Variants in CDH4 observed in about 807,000 individuals in gnomAD.
CDH4 encodes cadherin-4.
CDH4 carries 33 observed loss-of-function variants against 86.0 expected under a neutral mutation model. That is an observed-to-expected ratio of 0.38 (90% CI 0.29 to 0.51). The LOEUF is 0.51. Among genes scored for constraint, CDH4 ranks in the 20% least tolerant of loss-of-function variants. The pLI is 0.86. For missense variants in CDH4, 1,114 were observed against 1,307.4 expected, an observed-to-expected ratio of 0.85 and a Z score of 2.28; for synonymous variants, 555 against 549.4, an observed-to-expected ratio of 1.01 and a Z score of -0.14.
At chr20:61,598,230 C>T (rs2145740532) in intron 2 of CDH4, among the ~76,000 whole-genome samples, 1 of 152,198 alleles carries the variant, frequency 6.6e-6, no homozygotes, top group Admixed American at 6.5e-5. Context: ...TAGCACCTTC[C>T]AGGAATTGGC....
At chr20:61,530,619 G>A (rs1021814519) in intron 2 of CDH4, among the ~76,000 whole-genome samples, 2 of 152,230 alleles carry the variant, frequency 1.3e-5, no homozygotes, top group Admixed American at 6.5e-5. Context: ...AGTCGCAGAG[G>A]CCCTCGGAAA....
intron 6 of CDH4, among the ~76,000 whole-genome samples, chr20:61,870,965 T>C (rs1983777351): frequency 6.6e-6 from 1 of 152,182 alleles, no homozygotes; most frequent in Non-Finnish European, 1.5e-5. Flanking sequence ...TTTTTGTTTA[T>C]ACAAGTCATA....
chr20:61,796,408 C>T (rs1979538782), intron 4 of CDH4, among the ~76,000 whole-genome samples: 1 of 152,162 alleles, frequency 6.6e-6, no homozygotes, highest in Non-Finnish European at 1.5e-5. Flanking sequence ...TGGGTTATCA[C>T]CTTCTGACAC....
intron 2 of CDH4, among the ~76,000 whole-genome samples, chr20:61,522,016 C>T (rs1571432): frequency 2.3e-4 from 35 of 152,320 alleles, no homozygotes; most frequent in Middle Eastern, 3.4e-3. Flanking sequence ...GCCAAGAGAG[C>T]GCAGAATCGT....
intron 2 of CDH4, among the ~76,000 whole-genome samples, chr20:61,727,631 G>A (rs1191753675): frequency 3.3e-5 from 5 of 152,220 alleles, no homozygotes; most frequent in Non-Finnish European, 7.3e-5. Flanking sequence ...GCCTCAGGAA[G>A]CTTCCACTCA....
chr20:61,358,904 G>A (rs753180141), intron 2 of CDH4, among the ~76,000 whole-genome samples: 4 of 152,050 alleles, frequency 2.6e-5, no homozygotes, highest in African/African-American at 9.7e-5. Context: ...CAGGGTGACG[G>A]GGGGGTTTAC....
At chr20:61,694,913 G>A (rs577416617) in intron 2 of CDH4, among the ~76,000 whole-genome samples, 8 of 152,318 alleles carry the variant, frequency 5.3e-5, no homozygotes, top group South Asian at 4.1e-4. Context: ...CCCGTGCGCC[G>A]CCGGAGAGCT....
At chr20:61,656,306 C>T (rs1470504588) in intron 2 of CDH4, among the ~76,000 whole-genome samples, 4 of 107,322 alleles carry the variant, frequency 3.7e-5, no homozygotes, top group African/African-American at 1.8e-4. Context: ...GGTGGGTAGG[C>T]ACGTGCTGAA....
At chr20:61,577,614 TG>T (rs1276914031) in intron 2 of CDH4, among the ~76,000 whole-genome samples, 2 of 152,152 alleles carry the variant, frequency 1.3e-5, no homozygotes, top group African/African-American at 4.8e-5. Flanking sequence ...ACCATGGGCC[TG>T]GGTTCTCTGG....
At chr20:61,259,663 T>A (rs967076871) in intron 2 of CDH4, among the ~76,000 whole-genome samples, 2 of 152,176 alleles carry the variant, frequency 1.3e-5, no homozygotes, top group Non-Finnish European at 2.9e-5. Context: ...TGTCCAGTAT[T>A]GATTCTCTCT....
chr20:61,429,531 G>T (rs2085232851), intron 2 of CDH4, among the ~76,000 whole-genome samples: 2 of 152,142 alleles, frequency 1.3e-5, no homozygotes, highest in Non-Finnish European at 2.9e-5. Flanking sequence ...AGGTAGATGG[G>T]TGGGTGTGTG....
chr20:61,319,907 A>G (rs1249829835), intron 2 of CDH4, among the ~76,000 whole-genome samples: 1 of 151,664 alleles, frequency 6.6e-6, no homozygotes, highest in African/African-American at 2.4e-5. Context: ...GTAAGCCGAG[A>G]TTATGCCACT....
chr20:61,440,932 G>C (rs1034131863), intron 2 of CDH4, among the ~76,000 whole-genome samples: 10 of 152,214 alleles, frequency 6.6e-5, no homozygotes, highest in African/African-American at 2.4e-4. Flanking sequence ...TCAGCAAATC[G>C]GCAGGCAGAT....
chr20:61,862,803 T>C (rs1478488433), intron 6 of CDH4, among the ~76,000 whole-genome samples: 6 of 152,234 alleles, frequency 3.9e-5, no homozygotes, highest in Non-Finnish European at 7.3e-5. Flanking sequence ...GGGGCCTATA[T>C]TATAAGTTTT....
At chr20:61,826,104 G>C (rs761858270) in intron 4 of CDH4, among the ~76,000 whole-genome samples, 2 of 152,104 alleles carry the variant, frequency 1.3e-5, no homozygotes, top group African/African-American at 2.4e-5. Context: ...GCAAGCCCAA[G>C]GGGTCCCTCT....
chr20:61,907,285 C>T (rs1456792107), intron 8 of CDH4, among the ~76,000 whole-genome samples: 1 of 152,076 alleles, frequency 6.6e-6, no homozygotes, highest in African/African-American at 2.4e-5. Context: ...CCTTCTGGAA[C>T]TTGTTCACAG....
rs1213508525 is a variant in CDH4, at chr20:61,844,685, C to T, written c.594C>T (p.Asp198=). The change falls in exon 5 of 16, where the codon GAC becomes GAT. Residue 198 remains aspartate (D), a synonymous_variant. Coordinates refer to ENST00000614565, the MANE Select transcript of CDH4 (RefSeq NM_001794.5). ...CCTTTCAGATCCGGTCCGACAAAGACAATGACATCCCCATCCGGTACAGCA... is the reference window on the plus strand; with the variant it reads ...CCTTTCAGATCCGGTCCGACAAAGATAATGACATCCCCATCCGGTACAGCA... The part of the protein sequence containing the change: ...QQLVRIRSDK[D]NDIPIRYSIT... 6.2e-7 allele frequency: 1 copy of T among 1,612,250 alleles called. No homozygotes were observed. The highest frequency in any genetic ancestry group is 8.5e-7 in the Non-Finnish European group (1 of 1,178,716).
At chr20:61,262,536 T>G (rs2084133419) in intron 2 of CDH4, among the ~76,000 whole-genome samples, 1 of 152,206 alleles carries the variant, frequency 6.6e-6, no homozygotes, top group Non-Finnish European at 1.5e-5. Context: ...ACCTGTGGCT[T>G]CTTTGTTTCA....
rs562950223 is a variant in CDH4 at position 61,891,333 on chromosome 20, G to A, written c.1051-3577G>A. Among the ~76,000 whole-genome samples the A allele has an allele frequency of 3.9e-5, 6 of 152,302 alleles. No individual in the cohort carries two copies. The East Asian group carries it at 1.2e-3, about 29-fold the overall frequency. ...GGGCTGCCAAATACAGGAGGCCAAG[G>A]TTGCTGACGGCTCTGCAGCCTGCAG... On this transcript the variant is annotated intron_variant, in intron 7 of 15. Coordinates refer to ENST00000614565, the MANE Select transcript of CDH4 (RefSeq NM_001794.5).
Sources: gnomAD v4.1 joint callset for allele counts (sites outside exome capture counted in the v4.1 genomes callset) on GRCh38, gnomAD v4.1.1 for gene constraint, MANE v1.5 for transcripts, NCBI Gene and HGNC (gene_info 2026-07-23, HGNC 2026-07-21) for gene names.